Variants in PCSK5 observed in about 807,000 individuals in gnomAD.
PCSK5 encodes the protein proprotein convertase subtilisin/kexin type 5, also known as prohormone convertase 5.
A neutral mutation model predicts 233.2 loss-of-function variants in PCSK5; 129 were observed. The observed-to-expected ratio is 0.55, with a 90% CI of 0.48 to 0.64. The LOEUF (loss-of-function observed/expected upper bound fraction) is 0.64. Among genes scored for constraint, PCSK5 ranks in the 30% least tolerant of loss-of-function variants. PCSK5 has a pLI of 0.00. For synonymous variants in PCSK5, 825 were observed against 879.2 expected, an observed-to-expected ratio of 0.94 and a Z score of 1.09; for missense variants, 2,076 against 2,430.1, an observed-to-expected ratio of 0.85 and a Z score of 3.06.
chr9:76,122,816 CT>C (rs11430110), intron 9 of PCSK5, among the ~76,000 whole-genome samples: 14 of 130,514 alleles, frequency 1.1e-4, no homozygotes, highest in East Asian at 4.4e-4. Context: ...CTTATTTTTT[CT>C]TTTTTTTTTC....
At chr9:76,012,671 G>C (rs1038979164) in intron 3 of PCSK5, among the ~76,000 whole-genome samples, 1 of 152,140 alleles carries the variant, frequency 6.6e-6, no homozygotes, top group African/African-American at 2.4e-5. Flanking sequence ...AAAGCATAAC[G>C]ATGAGTTATA....
chr9:75,965,522 G>T (rs569474571), intron 2 of PCSK5, among the ~76,000 whole-genome samples: 29 of 152,296 alleles, frequency 1.9e-4, no homozygotes, highest in Admixed American at 3.3e-4. Flanking sequence ...GGAAGGGAAT[G>T]CATCCTCCCT....
At chr9:76,334,646 G>T (rs371863862) in intron 34 of PCSK5, among the ~76,000 whole-genome samples, 1 of 152,166 alleles carries the variant, frequency 6.6e-6, no homozygotes, top group Non-Finnish European at 1.5e-5. Context: ...GAGGAGAATT[G>T]CTTGAACCCA....
intron 9 of PCSK5, among the ~76,000 whole-genome samples, chr9:76,126,274 C>A (rs1832851761): frequency 6.6e-6 from 1 of 152,028 alleles, no homozygotes; most frequent in Non-Finnish European, 1.5e-5. Context: ...GGAATTGATA[C>A]ACTAAACCAG....
intron 24 of PCSK5, among the ~76,000 whole-genome samples, chr9:76,285,999 C>G (rs945159179): frequency 2.6e-5 from 4 of 152,098 alleles, no homozygotes; most frequent in Non-Finnish European, 1.5e-5. Flanking sequence ...TTCTATTTGT[C>G]TTTCTGATAA....
chr9:76,203,332 A>G (rs1378177803), intron 20 of PCSK5, among the ~76,000 whole-genome samples: 1 of 152,088 alleles, frequency 6.6e-6, no homozygotes, highest in Non-Finnish European at 1.5e-5. Context: ...CTAAACTTGC[A>G]TTCTCATTCC....
chr9:75,933,564 A>G (rs2131285182), intron 2 of PCSK5, among the ~76,000 whole-genome samples: 1 of 152,334 alleles, frequency 6.6e-6, no homozygotes, highest in Admixed American at 6.5e-5. Flanking sequence ...GGTTTGCAAT[A>G]TTGCGTCTTG....
intron 24 of PCSK5, among the ~76,000 whole-genome samples, chr9:76,244,564 T>G (rs914314695): frequency 1.7e-3 from 39 of 22,642 alleles, no homozygotes; most frequent in African/African-American, 9.3e-3. Context: ...AATCCTGGGG[T>G]TTTTTTTTTT....
At chr9:75,901,987 G>A (rs577888626) in intron 1 of PCSK5, among the ~76,000 whole-genome samples, 12 of 152,130 alleles carry the variant, frequency 7.9e-5, no homozygotes, top group South Asian at 2.1e-4. Context: ...AGGCCAAGGC[G>A]GGCAGATTAC....
At chr9:75,915,761 A>G (rs1353371306) in intron 1 of PCSK5, among the ~76,000 whole-genome samples, 1 of 152,212 alleles carries the variant, frequency 6.6e-6, no homozygotes, top group Non-Finnish European at 1.5e-5. Flanking sequence ...TGGTCCAGAT[A>G]AGTATAAGTC....
At chr9:76,322,973 G>A in intron 31 of PCSK5, 79 bp from the exon 32 acceptor site, 1 of 760,662 alleles carries the variant, frequency 1.3e-6, no homozygotes, top group Non-Finnish European at 2.2e-6. Context: ...AGTGCTGAGG[G>A]AGGAGCTAGC....
intron 36 of PCSK5, among the ~76,000 whole-genome samples, chr9:76,351,698 G>GAAGGAGATTCGTTTGCC (rs1554724888): frequency 7.1e-6 from 1 of 139,882 alleles, no homozygotes; most frequent in Non-Finnish European, 1.6e-5. Context: ...AGGGAGGAAG[G>GAAGGAGATTCGTTTGCC]AAGGAGATTC....
chr9:76,125,769 T>A (rs1291620400), intron 9 of PCSK5, among the ~76,000 whole-genome samples: 2 of 152,158 alleles, frequency 1.3e-5, no homozygotes, highest in Non-Finnish European at 2.9e-5. Flanking sequence ...AGCTACCAAG[T>A]CCAAAGAAGC....
intron 8 of PCSK5, among the ~76,000 whole-genome samples, chr9:76,096,978 C>CTGGA (rs1831544132): frequency 6.6e-6 from 1 of 151,694 alleles, no homozygotes; most frequent in South Asian, 2.1e-4. Flanking sequence ...TTCGCCCAGG[C>CTGGA]TGGAGTACAG....
chr9:76,354,291 G>T (rs917275032), intron 37 of PCSK5, 72 bp downstream of exon 37: 2 of 1,253,860 alleles, frequency 1.6e-6, no homozygotes, highest in East Asian at 2.6e-5. Context: ...CAGAGGGAGG[G>T]GGGGATGGAA....
chr9:76,181,085 A>G (rs1265138027), intron 15 of PCSK5, among the ~76,000 whole-genome samples: 1 of 152,220 alleles, frequency 6.6e-6, no homozygotes, highest in Non-Finnish European at 1.5e-5. Flanking sequence ...TGGTTCCCAC[A>G]TAGTTTTCCT....
intron 5 of PCSK5, among the ~76,000 whole-genome samples, chr9:76,060,151 C>G (rs1382267953): frequency 6.6e-6 from 1 of 152,124 alleles, no homozygotes; most frequent in Non-Finnish European, 1.5e-5. Flanking sequence ...ACACTTGACC[C>G]TTGAACAACT....
intron 21 of PCSK5, among the ~76,000 whole-genome samples, chr9:76,228,027 T>C (rs957783832): frequency 6.6e-6 from 1 of 151,610 alleles, no homozygotes; most frequent in Non-Finnish European, 1.5e-5. Context: ...TGGAGTGCAG[T>C]GGCGCGATCT....
intron 20 of PCSK5, chr9:76,209,460 G>A: frequency 6.0e-6 from 3 of 497,594 alleles, no homozygotes; most frequent in South Asian, 4.5e-5. Context: ...GGAGATCTGT[G>A]TTTTGCCTAC....
Sources: allele counts gnomAD v4.1 joint callset (sites outside exome capture counted in the v4.1 genomes callset), GRCh38; gene constraint gnomAD v4.1.1; transcripts MANE v1.5; gene names NCBI Gene and HGNC (gene_info 2026-07-23, HGNC 2026-07-21).